PAK1: variants seen among roughly 807,000 people sequenced by gnomAD.
PAK1 encodes p21 (RAC1) activated kinase 1, also known as serine/threonine-protein kinase PAK 1.
A neutral mutation model predicts 67.4 loss-of-function variants in PAK1; 29 were observed. The observed-to-expected ratio is 0.43, with a 90% CI of 0.32 to 0.59. The LOEUF is 0.59. Ranked by LOEUF, PAK1 falls within the 20% of genes least tolerant of loss-of-function variation. PAK1 has a pLI of 0.07. For synonymous variants in PAK1, 223 were observed against 237.4 expected (o/e 0.94, Z 0.56); for missense variants, 337 against 670.7 (o/e 0.50, Z 5.50).
chr11:77,438,312 T>C (rs1477967975), intron 1 of PAK1, among the ~76,000 whole-genome samples: 1 of 152,104 alleles, frequency 6.6e-6, no homozygotes, highest in Admixed American at 6.5e-5. Flanking sequence ...ACCAAGGGGA[T>C]AGTGCTAAAC....
chr11:77,521,300 C>A, the PAK1 span, among the ~76,000 whole-genome samples: 1 of 152,126 alleles, frequency 6.6e-6, no homozygotes, highest in Non-Finnish European at 1.5e-5. Flanking sequence ...GAAGCCAAGG[C>A]AGGCAGATCC....
chr11:77,405,060 G>A lies in PAK1; in HGVS notation c.-21-12519C>T, dbSNP rs1473488623. Among the ~76,000 whole-genome samples the A allele has an allele frequency of 2.0e-5, 3 of 152,288 alleles. No individual in the cohort carries two copies. In the East Asian group the frequency reaches 5.8e-4, roughly 29 times the overall value. On this transcript the variant is annotated intron_variant, in intron 1 of 14. Coordinates refer to ENST00000356341, the MANE Select transcript of PAK1 (RefSeq NM_002576.5). ...GCTTCTCTGAGAAACAGTTACTTAA[G>A]ACCTCATTTAAATGAGACAGCAAAT...
At chr11:77,398,141 T>C (rs1313610914) in intron 1 of PAK1, among the ~76,000 whole-genome samples, 1 of 152,214 alleles carries the variant, frequency 6.6e-6, no homozygotes, top group Non-Finnish European at 1.5e-5. Context: ...CTTTTAGTTA[T>C]TTTTAAATAT....
intron 13 of PAK1, among the ~76,000 whole-genome samples, chr11:77,335,326 T>G (rs990007880): frequency 6.6e-6 from 1 of 152,250 alleles, no homozygotes; most frequent in Admixed American, 6.5e-5. Context: ...TAAGCCAAAC[T>G]CTACTCCAGC....
intron 1 of PAK1, among the ~76,000 whole-genome samples, chr11:77,417,543 T>C (rs1592395823): frequency 6.6e-6 from 1 of 152,324 alleles, no homozygotes; most frequent in South Asian, 2.1e-4. Context: ...TGTATGATAC[T>C]ATAATCGTGG....
intron 6 of PAK1, 23 bp downstream of exon 6, chr11:77,358,875 T>A: frequency 6.2e-7 from 1 of 1,612,848 alleles, no homozygotes; most frequent in Non-Finnish European, 8.5e-7. Flanking sequence ...ATCACAAAAC[T>A]GGCCAGGTCC....
chr11:77,337,382 A>T lies in PAK1; in HGVS notation c.1158T>A (p.Ile386=). 1 of 1,612,368 alleles carries T rather than the reference A, an allele frequency of 6.2e-7. No homozygotes were observed. The change falls in exon 12 of 15, where the codon ATT becomes ATA. Residue 386 remains isoleucine, a synonymous_variant. Transcript: ENST00000356341. ...TATTGTCACTCTTGATGTCTCTGTGAATGACCTGGTTCGAATGCAAGAACT... is the reference window on the plus strand; with the variant it reads ...TATTGTCACTCTTGATGTCTCTGTGTATGACCTGGTTCGAATGCAAGAACT... ...ALEFLHSNQV[I]HRDIKSDNIL...
At chr11:77,380,990 C>G (rs1249339757) in intron 2 of PAK1, among the ~76,000 whole-genome samples, 2 of 152,172 alleles carry the variant, frequency 1.3e-5, no homozygotes, top group Admixed American at 6.5e-5. Context: ...ACCCTGCTGT[C>G]TGGGAGCTCA....
chr11:77,441,965 G>A (rs1040542675), intron 1 of PAK1, among the ~76,000 whole-genome samples: 3 of 152,142 alleles, frequency 2.0e-5, no homozygotes, highest in Non-Finnish European at 4.4e-5. Context: ...AGGCATGGTT[G>A]TGTTACCAAC....
chr11:77,446,973 G>A (rs1956642121), intron 1 of PAK1, among the ~76,000 whole-genome samples: 1 of 151,626 alleles, frequency 6.6e-6, no homozygotes, highest in Non-Finnish European at 1.5e-5. Flanking sequence ...CAGCAAAGAT[G>A]TGTGGTCCCT....
chr11:77,380,896 G>C (rs1949719887), intron 2 of PAK1, among the ~76,000 whole-genome samples: 1 of 152,110 alleles, frequency 6.6e-6, no homozygotes, highest in Non-Finnish European at 1.5e-5. Context: ...ATTCTCTCCA[G>C]GGCAGGAATA....
At chr11:77,472,969 A>G (rs1196567765) in intron 1 of PAK1, among the ~76,000 whole-genome samples, 1 of 152,220 alleles carries the variant, frequency 6.6e-6, no homozygotes, top group Non-Finnish European at 1.5e-5. Context: ...AATGAACATA[A>G]AATAACTATA....
chr11:77,512,589 A>G, the PAK1 span, among the ~76,000 whole-genome samples: 2 of 152,264 alleles, frequency 1.3e-5, no homozygotes, highest in East Asian at 3.9e-4. Context: ...TTTTTAAGGA[A>G]GATTCCCTCC....
chr11:77,491,997 C>A, the PAK1 span, among the ~76,000 whole-genome samples: 1 of 152,140 alleles, frequency 6.6e-6, no homozygotes. Flanking sequence ...CTGTAAAAAG[C>A]ACATGGAAAT....
At chr11:77,375,160 TAA>T (rs1463668188) in intron 4 of PAK1, among the ~76,000 whole-genome samples, 2 of 152,196 alleles carry the variant, frequency 1.3e-5, no homozygotes, top group East Asian at 1.9e-4. Context: ...ACACACAGGT[TAA>T]AGAGAGGAAT....
intron 1 of PAK1, among the ~76,000 whole-genome samples, chr11:77,440,911 G>A (rs1387880448): frequency 6.6e-6 from 1 of 152,022 alleles, no homozygotes; most frequent in East Asian, 1.9e-4. Flanking sequence ...TCCTCCATTA[G>A]TTTGTTCTCC....
intron 2 of PAK1, among the ~76,000 whole-genome samples, chr11:77,389,109 A>G (rs539906): frequency 0.7 from 106,572 of 152,006 alleles, 38,193 homozygotes; most frequent in African/African-American, 0.85. Flanking sequence ...TCTGCAGCCC[A>G]AGGCAACCGC....
the PAK1 span, among the ~76,000 whole-genome samples, chr11:77,486,737 T>C: frequency 0.18 from 26,688 of 152,138 alleles, 2,906 homozygotes; most frequent in South Asian, 0.34. Context: ...CATGGAAGCA[T>C]GGAAGAGCAT....
chr11:77,378,745 ACCCGGCT>A (rs1949424540), intron 4 of PAK1, among the ~76,000 whole-genome samples: 1 of 151,828 alleles, frequency 6.6e-6, no homozygotes, highest in Non-Finnish European at 1.5e-5. Context: ...GCACCACCAC[ACCCGGCT>A]AATTTTTGTA....
Sources: allele counts gnomAD v4.1 joint callset (sites outside exome capture counted in the v4.1 genomes callset), GRCh38; gene constraint gnomAD v4.1.1; transcripts MANE v1.5; gene names NCBI Gene and HGNC (gene_info 2026-07-23, HGNC 2026-07-21).